HDAC9: variants seen among roughly 807,000 people sequenced by gnomAD.
HDAC9 encodes the protein MEF-2 interacting transcription repressor (MITR) protein.
In HDAC9, 41 loss-of-function variants were observed where a neutral mutation model predicts 139.4. The observed-to-expected ratio is 0.29, with a 90% CI of 0.23 to 0.38. The LOEUF is 0.38. Among genes scored for constraint, HDAC9 ranks in the 10% least tolerant of loss-of-function variants. The pLI is 1.00. For synonymous variants in HDAC9, 517 were observed against 476.2 expected (o/e 1.09, Z -1.12); for missense variants, 1,147 against 1,297.0 (o/e 0.88, Z 1.78).
intron 23 of HDAC9, among the ~76,000 whole-genome samples, chr7:18,940,287 C>G (rs576461136): frequency 2.0e-5 from 3 of 152,252 alleles, no homozygotes; most frequent in South Asian, 4.1e-4. Context: ...AAATGATCTA[C>G]TTAGCAAAAC....
At chr7:18,860,059 A>G (rs975170481) in intron 21 of HDAC9, among the ~76,000 whole-genome samples, 1 of 151,632 alleles carries the variant, frequency 6.6e-6, no homozygotes, top group Non-Finnish European at 1.5e-5. Flanking sequence ...TATGTGTACT[A>G]AGCTACACAC....
intron 17 of HDAC9, among the ~76,000 whole-genome samples, chr7:18,803,718 T>G (rs1793485560): frequency 6.6e-6 from 1 of 152,148 alleles, no homozygotes; most frequent in South Asian, 2.1e-4. Flanking sequence ...TCTTTTTGGA[T>G]TTGTTATACT....
chr7:18,711,932 C>CT (rs10713737), intron 12 of HDAC9, among the ~76,000 whole-genome samples: 2,050 of 142,930 alleles, frequency 0.014, 14 homozygotes, highest in Non-Finnish European at 0.023. Flanking sequence ...CACCATACTT[C>CT]TTTTTTTTTT....
In HDAC9 at chr7:18,744,012, G is replaced by GTTTTTTTTTTTTTTTTTT. The variant is rs35414332; in HGVS notation, c.1910-4989_1910-4972dup. ...TTTTTACATCTCACTTTTACTACTAGTTTTTTTTTTTTTTTTTTTTTGAGA... is the reference window on the plus strand; with the variant it reads ...TTTTTACATCTCACTTTTACTACTAGTTTTTTTTTTTTTTTTTTTTTTTTTTTTTTTTTTTTTTTGAGA... On this transcript the variant is annotated intron_variant, in intron 13 of 25. Coordinates refer to ENST00000686413, the MANE Select transcript of HDAC9 (RefSeq NM_178425.4). Among the ~76,000 whole-genome samples, 27 of 110,432 alleles carry GTTTTTTTTTTTTTTTTTT rather than the reference G, an allele frequency of 2.4e-4. 3 individuals are homozygous for GTTTTTTTTTTTTTTTTTT. The highest frequency in any genetic ancestry group is 2.2e-3 in the East Asian group (6 of 2,770). 72.4% of individuals were successfully genotyped at this position (110,432 alleles called of 152,430 possible).
intron 25 of HDAC9, among the ~76,000 whole-genome samples, chr7:18,990,076 G>A (rs572327370): frequency 9.6e-4 from 146 of 152,172 alleles, no homozygotes; most frequent in Non-Finnish European, 2.0e-3. Context: ...TCTCCGTCCA[G>A]CTTTGTTCCA....
At chr7:18,556,677 A>T (rs1818925645) in intron 2 of HDAC9, among the ~76,000 whole-genome samples, 1 of 152,080 alleles carries the variant, frequency 6.6e-6, no homozygotes, top group South Asian at 2.1e-4. Flanking sequence ...TGAATATTTT[A>T]AAAATTACTG....
At chr7:18,991,362 T>G (rs573968600) in intron 25 of HDAC9, among the ~76,000 whole-genome samples, 3 of 152,208 alleles carry the variant, frequency 2.0e-5, no homozygotes, top group Non-Finnish European at 4.4e-5. Context: ...GTCATCAGGC[T>G]GGGCACAGTG....
At chr7:18,164,340 AG>A (rs1253495148) in intron 2 of HDAC9, among the ~76,000 whole-genome samples, 7 of 152,208 alleles carry the variant, frequency 4.6e-5, no homozygotes, top group Admixed American at 3.9e-4. Flanking sequence ...CCTGCATCTT[AG>A]GGTGCCGTAT....
chr7:18,748,154 A>G (rs566407696), intron 13 of HDAC9, among the ~76,000 whole-genome samples: 1 of 152,326 alleles, frequency 6.6e-6, no homozygotes, highest in Non-Finnish European at 1.5e-5. Context: ...AATGAGCCAG[A>G]GTTATAATTA....
intron 2 of HDAC9, among the ~76,000 whole-genome samples, chr7:18,532,348 C>A (rs1387983183): frequency 1.3e-5 from 2 of 152,120 alleles, no homozygotes; most frequent in African/African-American, 4.8e-5. Flanking sequence ...AACACTGTTG[C>A]CTACAGTAAG....
At chr7:18,420,804 A>G (rs1184043188) in intron 1 of HDAC9, among the ~76,000 whole-genome samples, 1 of 152,232 alleles carries the variant, frequency 6.6e-6, no homozygotes, top group African/African-American at 2.4e-5. Context: ...AGAAGAAAGT[A>G]AAACAAAATG....
chr7:18,539,511 T>C (rs563447744), intron 2 of HDAC9, among the ~76,000 whole-genome samples: 10 of 152,340 alleles, frequency 6.6e-5, no homozygotes, highest in South Asian at 6.2e-4. Flanking sequence ...ATCTGTAGTT[T>C]AGTAAACGGT....
At chr7:18,280,624 GTGT>G (rs1562830036) in intron 2 of HDAC9, among the ~76,000 whole-genome samples, 4 of 150,798 alleles carry the variant, frequency 2.7e-5, no homozygotes, top group Non-Finnish European at 5.9e-5. Context: ...AATAGCTGGC[GTGT>G]TGGCCTGCAC....
At position 18,447,833 on chromosome 7, in the gene HDAC9, A is replaced by G. The variant is rs557011390; in HGVS notation, c.-41-48429A>G. Among the ~76,000 whole-genome samples the G allele has an allele frequency of 7.9e-5, 12 of 152,306 alleles. No individual in the cohort carries two copies. The South Asian group carries it at 2.5e-3, about 32-fold the overall frequency. On this transcript the variant is annotated intron_variant, in intron 1 of 3. Transcript: ENST00000413509. ...TAGAATATACAATTGAAAGAACACA[A>G]CTAGAGCGTATACAAAGGGGAGTGG...
chr7:18,946,161 T>C (rs1782391346), intron 23 of HDAC9, among the ~76,000 whole-genome samples: 2 of 151,856 alleles, frequency 1.3e-5, no homozygotes, highest in Non-Finnish European at 2.9e-5. Context: ...TTCTCTCTTT[T>C]TATGTGATAT....
chr7:18,475,438 T>TG (rs1216162516), intron 1 of HDAC9, among the ~76,000 whole-genome samples: 6 of 152,330 alleles, frequency 3.9e-5, no homozygotes, highest in African/African-American at 1.4e-4. Context: ...CCATTTCCCC[T>TG]GTCCCGGGAG....
chr7:18,381,584 G>A (rs1161961525), intron 1 of HDAC9, among the ~76,000 whole-genome samples: 3 of 151,982 alleles, frequency 2.0e-5, no homozygotes, highest in Non-Finnish European at 2.9e-5. Context: ...ATAATTAATA[G>A]ACAAATTTTA....
At position 18,998,431 on chromosome 7, in the gene HDAC9, T is replaced by A. The variant is rs529575883; in HGVS notation, c.*2369T>A. The A allele has an allele frequency of 6.6e-6, 1 of 152,260 alleles. No individual in the cohort carries two copies. Among genetic ancestry groups the A allele is most frequent in the East Asian group, 1.9e-4 (1 of 5,176 alleles). The allele number at this position is 152,260 out of a possible 1,614,324, so 9.4% of individuals were successfully genotyped here. A position where few individuals can be genotyped will look rare whatever the true frequency, so the allele number is the denominator to read the frequency against. ...TCACACATACTCCCATATGACACCA[T>A]ACCCAATTGGTTGCACTTAGAGTCT... On this transcript the variant is annotated 3_prime_UTR_variant, in exon 26 of 26. Transcript: ENST00000686413.
At chr7:18,284,165 C>A (rs1797283267) in intron 2 of HDAC9, among the ~76,000 whole-genome samples, 1 of 151,968 alleles carries the variant, frequency 6.6e-6, no homozygotes, top group Non-Finnish European at 1.5e-5. Flanking sequence ...TTTGCTTTGT[C>A]TATATATATT....
Sources: allele counts gnomAD v4.1 joint callset (sites outside exome capture counted in the v4.1 genomes callset), GRCh38; gene constraint gnomAD v4.1.1; transcripts MANE v1.5; gene names NCBI Gene and HGNC (gene_info 2026-07-23, HGNC 2026-07-21).